CA12: variants seen among roughly 807,000 people sequenced by gnomAD.
CA12 encodes the protein carbonate dehydratase XII.
Under a neutral mutation model 46.8 loss-of-function variants are expected in CA12, and 36 were observed. The observed-to-expected ratio is 0.77, with a 90% CI of 0.59 to 1.02. The LOEUF (loss-of-function observed/expected upper bound fraction) is 1.02. CA12 is among the 50% of genes least tolerant of loss of function. CA12 has a pLI of 0.00. For synonymous variants in CA12, 202 were observed against 187.0 expected (o/e 1.08, Z -0.65); for missense variants, 436 against 451.4 (o/e 0.97, Z 0.31).
At chr15:63,350,296 C>A (rs1031284226) in intron 2 of CA12, among the ~76,000 whole-genome samples, 1 of 152,218 alleles carries the variant, frequency 6.6e-6, no homozygotes, top group African/African-American at 2.4e-5. Context: ...CATGTGACTG[C>A]ACAGTGCTGG....
chr15:63,340,669 G>T lies in CA12; in HGVS notation c.589+51C>A. The T allele has an allele frequency of 6.4e-7, 1 of 1,571,710 alleles. No individual in the cohort carries two copies. On this transcript the variant is annotated intron_variant, in intron 6 of 10. Coordinates refer to ENST00000178638, the MANE Select transcript of CA12 (RefSeq NM_001218.5). This position sits in a 1 kb window ranked among gnomAD's most constrained non-coding sequence, Gnocchi z 4.4. ...GCTTTTCTTAAAGTCACACAGGGCT[G>T]ACTACCTCCTTCTCCAGCAGAGAGT...
At chr15:63,364,346 A>AAAC (rs1555431592) in intron 2 of CA12, among the ~76,000 whole-genome samples, 7 of 146,996 alleles carry the variant, frequency 4.8e-5, no homozygotes, top group Admixed American at 2.1e-4. Context: ...AAAAAAAAAA[A>AAAC]AAAAAAAAAC....
In CA12 at chr15:63,340,041, A is replaced by T. The variant is rs1372240997; in HGVS notation, c.747+247T>A. The stretch of plus-strand genomic sequence containing the variant: ...CCCAGCCACTGAGGATATATTAGCA[A>T]ATGCAGATTTAGAGCTCTTTTTTTT... On this transcript the variant is annotated intron_variant, in intron 7 of 10. Transcript: ENST00000178638. This position sits in a 1 kb window ranked among gnomAD's most constrained non-coding sequence, Gnocchi z 4.4. 1.1e-5 allele frequency: 6 copies of T among 533,080 alleles called. No individual in the cohort carries two copies. Among genetic ancestry groups the T allele is most frequent in the Non-Finnish European group, 1.7e-5 (5 of 297,274 alleles). The allele number at this position is 533,080 out of a possible 1,614,324, so 33.0% of individuals were successfully genotyped here.
intron 2 of CA12, among the ~76,000 whole-genome samples, chr15:63,351,756 C>G (rs1292214411): frequency 1.3e-5 from 2 of 152,224 alleles, no homozygotes; most frequent in African/African-American, 4.8e-5. Flanking sequence ...TCTCGGCCAG[C>G]CTACTCGGGT....
At chr15:63,358,962 G>C (rs2039326976) in intron 2 of CA12, among the ~76,000 whole-genome samples, 1 of 151,894 alleles carries the variant, frequency 6.6e-6, no homozygotes. Context: ...TCTGTTTCTG[G>C]GGACACTGCT....
At position 63,334,543 on chromosome 15, in the gene CA12, C is replaced by T. The variant is rs180917473; in HGVS notation, c.874+4276G>A. On this transcript the variant is annotated intron_variant, in intron 8 of 10. Transcript: ENST00000178638. ...AAATGCTGGGATTACAGGCATGAGC[C>T]ACACCCAGCCAATGGAAGAGGCACT... Among the ~76,000 whole-genome samples, 7 of 152,010 alleles carry T rather than the reference C, an allele frequency of 4.6e-5. No individual in the cohort carries two copies. The East Asian group carries it at 1.4e-3, about 30-fold the overall frequency.
intron 2 of CA12, among the ~76,000 whole-genome samples, chr15:63,369,822 C>T (rs2039480480): frequency 1.3e-5 from 2 of 152,134 alleles, no homozygotes; most frequent in Admixed American, 6.5e-5. Flanking sequence ...GGTTTTCTGC[C>T]TCATCCTCTG....
rs1236218835 is a variant in CA12, at chr15:63,341,377, CCT to C, written c.526-596_526-595del. Among the ~76,000 whole-genome samples the C allele has an allele frequency of 2.6e-5, 4 of 152,234 alleles. No individual in the cohort carries two copies. Among genetic ancestry groups the C allele is most frequent in the African/African-American group, 7.2e-5 (3 of 41,464 alleles). On this transcript the variant is annotated intron_variant, in intron 5 of 10. Transcript: ENST00000178638. This position sits in a 1 kb window ranked among gnomAD's most constrained non-coding sequence, Gnocchi z 5.2. Reference sequence around the variant, plus strand: ...AAGCATTACAGCCTGAGCTCCGCCCCCTGTCAAATCAGCAGAGGCCTCCCATT... The same window carrying C: ...AAGCATTACAGCCTGAGCTCCGCCCCGTCAAATCAGCAGAGGCCTCCCATT...
chr15:63,344,529 C>T (rs1171622456), intron 4 of CA12, among the ~76,000 whole-genome samples: 2 of 152,200 alleles, frequency 1.3e-5, no homozygotes, highest in East Asian at 1.9e-4. Flanking sequence ...GGAAGGGCCG[C>T]TCTGAAATAT....
intron 2 of CA12, among the ~76,000 whole-genome samples, chr15:63,360,394 T>C (rs1013645255): frequency 6.6e-6 from 1 of 152,248 alleles, no homozygotes; most frequent in Non-Finnish European, 1.5e-5. Flanking sequence ...CTCTTTGCCC[T>C]GCAGGGAGAT....
intron 1 of CA12, among the ~76,000 whole-genome samples, chr15:63,376,604 C>CTTTCTTTCTTTCTTTCTTTCTTTCTT (rs1325632435): frequency 2.9e-3 from 38 of 13,072 alleles, no homozygotes; most frequent in Admixed American, 8.8e-3. Context: ...CTTTCTTTCT[C>CTTTCTTTCTTTCTTTCTTTCTTTCTT]TCTCTCTCGC....
At chr15:63,364,146 C>T (rs2039403657) in intron 2 of CA12, among the ~76,000 whole-genome samples, 1 of 151,504 alleles carries the variant, frequency 6.6e-6, no homozygotes, top group Admixed American at 6.6e-5. Flanking sequence ...GAGATCGTGC[C>T]AGCCTGGGCA....
At position 63,372,933 on chromosome 15, in the gene CA12, TC is replaced by T. The variant is rs1266619782; in HGVS notation, c.106+2724del. On this transcript the variant is annotated intron_variant, in intron 2 of 10. Transcript: ENST00000178638. This position sits in a 1 kb window ranked among gnomAD's most constrained non-coding sequence, Gnocchi z 4.5. Reference sequence around the variant, plus strand: ...CTCTGCTTCCTCAGCAAAGAGCTGCTCTAATTATGCAGGGTAGGAGGGACAG... The same window carrying T: ...CTCTGCTTCCTCAGCAAAGAGCTGCTTAATTATGCAGGGTAGGAGGGACAG... 2.6e-5 allele frequency among the ~76,000 whole-genome samples: 4 copies of T among 152,308 alleles called. No individual in the cohort carries two copies. The East Asian group carries it at 7.7e-4, about 29-fold the overall frequency.
rs2039601585 is a variant in CA12, at chr15:63,378,198, G to C, written c.86-2520C>G. ...AGGTCAGGAGTTCGAGACCAGCCTG[G>C]CCAACATGGTGAAACCCTGTCTCTA... On this transcript the variant is annotated intron_variant, in intron 1 of 10. Coordinates refer to ENST00000178638, the MANE Select transcript of CA12 (RefSeq NM_001218.5). The surrounding 1 kb of genome is among the most constrained non-coding windows in gnomAD (Gnocchi z 4.8). Among the ~76,000 whole-genome samples, 1 of 152,158 alleles carries C rather than the reference G, an allele frequency of 6.6e-6. No individual in the cohort carries two copies. Among genetic ancestry groups the C allele is most frequent in the Admixed American group, 6.5e-5 (1 of 15,278 alleles).
chr15:63,351,854 A>G (rs2039236698), intron 2 of CA12, among the ~76,000 whole-genome samples: 1 of 152,196 alleles, frequency 6.6e-6, no homozygotes, highest in African/African-American at 2.4e-5. Context: ...ATTACAGACT[A>G]GAGCTCAGAA....
chr15:63,381,174 AAT>A (rs1183735058), intron 1 of CA12, among the ~76,000 whole-genome samples: 1 of 152,144 alleles, frequency 6.6e-6, no homozygotes. Context: ...GGTAAGACTT[AAT>A]GGTAAAGATC....
chr15:63,329,536 C>A lies in CA12; in HGVS notation c.875-1406G>T, dbSNP rs2038909491. Among the ~76,000 whole-genome samples, 1 of 151,960 alleles carries A rather than the reference C, an allele frequency of 6.6e-6. No homozygotes were observed. Among genetic ancestry groups the A allele is most frequent in the Admixed American group, 6.6e-5 (1 of 15,262 alleles). On this transcript the variant is annotated intron_variant, in intron 8 of 10. Coordinates refer to ENST00000178638, the MANE Select transcript of CA12 (RefSeq NM_001218.5). The surrounding 1 kb of genome is among the most constrained non-coding windows in gnomAD (Gnocchi z 4.8). ...AAAGAAAGTGTAGATTTACAGGTAC[C>A]CTTCTGTCTGGTGGTTTTCTCATCT...
At chr15:63,358,120 T>G (rs59875346) in intron 2 of CA12, among the ~76,000 whole-genome samples, 3,424 of 152,364 alleles carry the variant, frequency 0.022, 154 homozygotes, top group African/African-American at 0.078. Flanking sequence ...TATTTGACTC[T>G]AGTTAAATTG....
At position 63,325,440 on chromosome 15, in the gene CA12, C is replaced by T. The variant is rs1012408266; in HGVS notation, c.*845G>A. The stretch of plus-strand genomic sequence containing the variant: ...GTATAAAACATAACTGCTCCACTGA[C>T]AGGAGGTTGGATTTGGACTTAATAT... On this transcript the variant is annotated 3_prime_UTR_variant, in exon 11 of 11. Coordinates refer to ENST00000178638, the MANE Select transcript of CA12 (RefSeq NM_001218.5). This position sits in a 1 kb window ranked among gnomAD's most constrained non-coding sequence, Gnocchi z 4.9. 1 of 151,442 alleles carries T rather than the reference C, an allele frequency of 6.6e-6. No individual in the cohort carries two copies. The highest frequency in any genetic ancestry group is 2.5e-5 in the African/African-American group (1 of 40,794). 9.4% of individuals were successfully genotyped at this position (151,442 alleles called of 1,614,324 possible). A position where few individuals can be genotyped will look rare whatever the true frequency, so the allele number is the denominator to read the frequency against.
Sources: gnomAD v4.1 joint callset for allele counts (sites outside exome capture counted in the v4.1 genomes callset) on GRCh38, gnomAD v4.1.1 for gene constraint, Gnocchi (gnomAD v3.1) non-coding constraint, MANE v1.5 for transcripts, NCBI Gene and HGNC (gene_info 2026-07-23, HGNC 2026-07-21) for gene names.